Variants in MYO16 observed in about 807,000 individuals in gnomAD.
The protein encoded by MYO16 is myosin XVI.
MYO16 carries 94 observed loss-of-function variants against 205.3 expected under a neutral mutation model. That is an observed-to-expected ratio of 0.46 (90% CI 0.39 to 0.54). The LOEUF (loss-of-function observed/expected upper bound fraction) is 0.54. Among genes scored for constraint, MYO16 ranks in the 20% least tolerant of loss-of-function variants. MYO16 has a pLI of 0.00. For synonymous variants in MYO16, 988 were observed against 954.0 expected, an observed-to-expected ratio of 1.04 and a Z score of -0.66; for missense variants, 2,315 against 2,387.5, an observed-to-expected ratio of 0.97 and a Z score of 0.63.
the MYO16 span, among the ~76,000 whole-genome samples, chr13:108,567,406 C>A: frequency 2.0e-5 from 3 of 151,856 alleles, no homozygotes; most frequent in Non-Finnish European, 4.4e-5. Flanking sequence ...CTTTGTTAGC[C>A]CGGGTGATAA....
At chr13:108,928,010 T>G (rs1435055226) in intron 16 of MYO16, among the ~76,000 whole-genome samples, 1 of 152,266 alleles carries the variant, frequency 6.6e-6, no homozygotes, top group Non-Finnish European at 1.5e-5. Context: ...GGGTAAGGTT[T>G]CTAGAACCTT....
chr13:108,537,758 T>C, the MYO16 span, among the ~76,000 whole-genome samples: 622 of 152,222 alleles, frequency 4.1e-3, 7 homozygotes, highest in Non-Finnish European at 7.2e-3. Flanking sequence ...CTTTGATGAT[T>C]AGTGATGCTG....
At chr13:108,874,693 CATCATT>C (rs1405229653) in intron 12 of MYO16, among the ~76,000 whole-genome samples, 2,360 of 128,696 alleles carry the variant, frequency 0.018, 34 homozygotes, top group Middle Eastern at 0.053. Flanking sequence ...GTTTCATCAT[CATCATT>C]ATTATTATTA....
intron 33 of MYO16, among the ~76,000 whole-genome samples, chr13:109,166,152 G>A (rs1180865986): frequency 6.6e-6 from 1 of 152,134 alleles, no homozygotes; most frequent in African/African-American, 2.4e-5. Context: ...TATGTCCACA[G>A]GGATTCAAAA....
At chr13:108,821,988 G>A (rs868422321) in intron 8 of MYO16, among the ~76,000 whole-genome samples, 3 of 152,114 alleles carry the variant, frequency 2.0e-5, no homozygotes, top group African/African-American at 7.2e-5. Context: ...TGCAGTGAAA[G>A]GTTTCAACTA....
chr13:109,062,469 C>A (rs1443220695), intron 27 of MYO16, among the ~76,000 whole-genome samples: 2 of 152,080 alleles, frequency 1.3e-5, no homozygotes, highest in African/African-American at 2.4e-5. Flanking sequence ...TTAGGTAATT[C>A]TTTGCATTTC....
intron 11 of MYO16, among the ~76,000 whole-genome samples, chr13:108,862,143 A>T (rs1016298226): frequency 2.0e-5 from 3 of 152,180 alleles, no homozygotes; most frequent in African/African-American, 7.2e-5. Flanking sequence ...AAAGATCGAA[A>T]TCCTCAAAAA....
chr13:108,938,285 A>G (rs1352900913), intron 16 of MYO16, among the ~76,000 whole-genome samples: 1 of 152,158 alleles, frequency 6.6e-6, no homozygotes, highest in Admixed American at 6.5e-5. Flanking sequence ...TCTGAGGCCA[A>G]CATTCATATA....
intron 1 of MYO16, among the ~76,000 whole-genome samples, chr13:108,633,436 A>G (rs1171795919): frequency 6.6e-6 from 1 of 152,198 alleles, no homozygotes; most frequent in African/African-American, 2.4e-5. Context: ...GTTCAAGGGC[A>G]GGAAGCATCC....
chr13:108,962,548 A>G (rs1883630531), intron 19 of MYO16, 53 bp downstream of exon 19: 1 of 1,285,260 alleles, frequency 7.8e-7, no homozygotes, highest in African/African-American at 1.5e-5. Context: ...AAATATGAAA[A>G]TTAAATACAG....
At chr13:109,110,858 G>GT (rs1362484247) in intron 28 of MYO16, among the ~76,000 whole-genome samples, 2 of 152,192 alleles carry the variant, frequency 1.3e-5, no homozygotes, top group Non-Finnish European at 2.9e-5. Flanking sequence ...TACTGAGCTT[G>GT]TTGAAAGGAT....
intron 2 of MYO16, among the ~76,000 whole-genome samples, chr13:108,687,036 G>A (rs978332283): frequency 6.6e-6 from 1 of 152,146 alleles, no homozygotes; most frequent in Admixed American, 6.5e-5. Context: ...GTTCTGCTTT[G>A]GTTTGGCTGC....
chr13:108,985,461 G>A (rs1002084666), intron 20 of MYO16, among the ~76,000 whole-genome samples: 2 of 152,178 alleles, frequency 1.3e-5, no homozygotes, highest in Admixed American at 6.5e-5. Flanking sequence ...CCAAGAAGTG[G>A]ACCTCCGCTT....
chr13:109,040,521 T>G (rs1297074432), intron 23 of MYO16, among the ~76,000 whole-genome samples: 3 of 152,270 alleles, frequency 2.0e-5, no homozygotes, highest in Non-Finnish European at 2.9e-5. Flanking sequence ...TTTTGGTTTT[T>G]GTTTTCTTTT....
chr13:109,126,265 A>G (rs1876244448), intron 30 of MYO16, among the ~76,000 whole-genome samples: 1 of 152,226 alleles, frequency 6.6e-6, no homozygotes, highest in African/African-American at 2.4e-5. Context: ...CTGTAATTAA[A>G]CATTACAGGA....
chr13:108,995,839 T>A (rs1173342829), intron 21 of MYO16, among the ~76,000 whole-genome samples: 1 of 152,224 alleles, frequency 6.6e-6, no homozygotes, highest in African/African-American at 2.4e-5. Context: ...CAGTCTATCA[T>A]TGATGGACAT....
At chr13:108,996,472 AATT>A (rs1885006324) in intron 21 of MYO16, among the ~76,000 whole-genome samples, 1 of 152,080 alleles carries the variant, frequency 6.6e-6, no homozygotes, top group South Asian at 2.1e-4. Context: ...AATTTTTAAA[AATT>A]ATTATTTATT....
At chr13:109,038,133 T>C (rs1045040908) in intron 23 of MYO16, among the ~76,000 whole-genome samples, 2 of 152,236 alleles carry the variant, frequency 1.3e-5, no homozygotes, top group Non-Finnish European at 2.9e-5. Context: ...GTTAGATATT[T>C]TTTTTCCATT....
chr13:108,731,445 T>C (rs920210624), intron 4 of MYO16, among the ~76,000 whole-genome samples: 6 of 151,996 alleles, frequency 3.9e-5, no homozygotes, highest in African/African-American at 1.4e-4. Flanking sequence ...ACCTCACGTG[T>C]TCTACACTTG....
Sources: allele counts gnomAD v4.1 joint callset (sites outside exome capture counted in the v4.1 genomes callset), GRCh38; gene constraint gnomAD v4.1.1; transcripts MANE v1.5; gene names NCBI Gene and HGNC (gene_info 2026-07-23, HGNC 2026-07-21).